Variants in RXFP2 observed in about 807,000 individuals in gnomAD.
RXFP2 encodes relaxin family peptide receptor 2.
Under a neutral mutation model 88.6 loss-of-function variants are expected in RXFP2, and 68 were observed. The ratio of observed to expected loss-of-function variants is 0.77; its 90% CI spans 0.63 to 0.94. RXFP2 has a LOEUF of 0.94. Ranked by LOEUF, RXFP2 falls within the 40% of genes least tolerant of loss-of-function variation. The pLI is 0.00. For synonymous variants in RXFP2, 329 were observed against 306.8 expected, an observed-to-expected ratio of 1.07 and a Z score of -0.76; for missense variants, 791 against 893.9, an observed-to-expected ratio of 0.88 and a Z score of 1.47.
rs140213839 is a variant in RXFP2 at position 31,748,909 on chromosome 13, A to G, written c.94+9203A>G. Among the ~76,000 whole-genome samples the G allele has an allele frequency of 4.8e-3, 732 of 152,300 alleles. 4 individuals are homozygous for G. The highest frequency in any genetic ancestry group is 7.0e-3 in the Non-Finnish European group (475 of 68,030). ...CTACTCAGGAGGCTAAGGCAGGAGA[A>G]TCTCTTGAACCCAGGAAGCAGCAGT... On this transcript the variant is annotated intron_variant, in intron 1 of 17. Transcript: ENST00000298386.
chr13:31,792,605 A>G, intron 15 of RXFP2, 73 bp from the exon 16 acceptor site: 2 of 1,410,828 alleles, frequency 1.4e-6, no homozygotes, highest in East Asian at 2.3e-5. Flanking sequence ...AAATGCTGGA[A>G]ATAGACTTAA....
chr13:31,750,162 G>T (rs989204742), intron 1 of RXFP2, among the ~76,000 whole-genome samples: 1 of 152,102 alleles, frequency 6.6e-6, no homozygotes, highest in Non-Finnish European at 1.5e-5. Flanking sequence ...CCTCCCTAAA[G>T]AATTCTGGTT....
chr13:31,793,255 A>G (rs1325104092), intron 16 of RXFP2, among the ~76,000 whole-genome samples, 167 bp downstream of exon 16: 1 of 152,148 alleles, frequency 6.6e-6, no homozygotes. Flanking sequence ...AAGTTTTATT[A>G]AACTTTTTAT....
At chr13:31,741,071 T>C (rs940377146) in intron 1 of RXFP2, among the ~76,000 whole-genome samples, 2 of 152,098 alleles carry the variant, frequency 1.3e-5, no homozygotes, top group Non-Finnish European at 2.9e-5. Flanking sequence ...CTTTTGCTTT[T>C]ATACATAATG....
intron 1 of RXFP2, 37 bp from the exon 2 acceptor site, chr13:31,758,221 A>G (rs1256155582): frequency 1.2e-6 from 2 of 1,613,416 alleles, no homozygotes; most frequent in Non-Finnish European, 8.5e-7. Context: ...GAGCTTGGCC[A>G]TGGTAACACT....
intron 7 of RXFP2, among the ~76,000 whole-genome samples, chr13:31,776,146 T>TTCTC (rs1166977388): frequency 1.6e-5 from 2 of 122,982 alleles, no homozygotes; most frequent in Admixed American, 1.7e-4. Context: ...TTCTTTCTCT[T>TTCTC]TCTCTCTCTC....
chr13:31,759,813 T>C (rs1872212433), intron 2 of RXFP2, among the ~76,000 whole-genome samples: 1 of 152,074 alleles, frequency 6.6e-6, no homozygotes, highest in Admixed American at 6.5e-5. Context: ...AGCATGCATC[T>C]CTAGAATCTC....
intron 1 of RXFP2, among the ~76,000 whole-genome samples, chr13:31,745,425 A>G (rs756146715): frequency 2.6e-5 from 4 of 152,154 alleles, no homozygotes; most frequent in Non-Finnish European, 5.9e-5. Context: ...CTTGCTGGCC[A>G]TGAGCAAGCA....
At chr13:31,783,999 G>GTT (rs1873408098) in intron 11 of RXFP2, among the ~76,000 whole-genome samples, 1 of 40,442 alleles carries the variant, frequency 2.5e-5, no homozygotes, top group Non-Finnish European at 5.5e-5. Flanking sequence ...TTTTTTTTTT[G>GTT]TATTTTTAGT....
At chr13:31,776,253 C>CTTTTTTT (rs149978498) in intron 7 of RXFP2, among the ~76,000 whole-genome samples, 1 of 84,394 alleles carries the variant, frequency 1.2e-5, no homozygotes, top group African/African-American at 4.8e-5. Flanking sequence ...CTCTTTCCTT[C>CTTTTTTT]TTTTTTTTTT....
intron 5 of RXFP2, among the ~76,000 whole-genome samples, chr13:31,766,307 A>G (rs1012619793): frequency 2.0e-5 from 3 of 152,256 alleles, no homozygotes; most frequent in South Asian, 2.1e-4. Context: ...TATTTTCCTC[A>G]AGATATTGGG....
intron 14 of RXFP2, among the ~76,000 whole-genome samples, chr13:31,791,097 A>G (rs754266716): frequency 1.3e-5 from 2 of 152,256 alleles, no homozygotes; most frequent in Non-Finnish European, 2.9e-5. Context: ...AAGTTTTATG[A>G]GAGAAAATTC....
chr13:31,746,491 A>C (rs1427970491), intron 1 of RXFP2, among the ~76,000 whole-genome samples: 3 of 152,194 alleles, frequency 2.0e-5, no homozygotes, highest in Non-Finnish European at 4.4e-5. Flanking sequence ...ACTGTAATTA[A>C]TATGCTAGTT....
chr13:31,781,171 G>A (rs570269884), intron 9 of RXFP2, among the ~76,000 whole-genome samples: 180 of 152,264 alleles, frequency 1.2e-3, no homozygotes, highest in African/African-American at 4.0e-3. Flanking sequence ...GATCAATGAC[G>A]CCACAGACAT....
chr13:31,796,359 A>T (rs1456549143), intron 16 of RXFP2, among the ~76,000 whole-genome samples: 1 of 151,592 alleles, frequency 6.6e-6, no homozygotes, highest in Non-Finnish European at 1.5e-5. Context: ...TGTTTCTCAG[A>T]CAATTATATT....
chr13:31,773,784 C>T (rs1249737045), intron 5 of RXFP2, among the ~76,000 whole-genome samples: 1 of 152,146 alleles, frequency 6.6e-6, no homozygotes, highest in Non-Finnish European at 1.5e-5. Context: ...AGTAGAATAT[C>T]ATAACAATGA....
At chr13:31,792,644 A>G in intron 15 of RXFP2, 34 bp from the exon 16 acceptor site, 1 of 1,606,616 alleles carries the variant, frequency 6.2e-7, no homozygotes, top group Non-Finnish European at 8.5e-7. Context: ...GACATTGGAA[A>G]CTGATGACAT....
At chr13:31,756,962 C>T (rs1344273959) in intron 1 of RXFP2, among the ~76,000 whole-genome samples, 1 of 152,056 alleles carries the variant, frequency 6.6e-6, no homozygotes, top group Non-Finnish European at 1.5e-5. Flanking sequence ...ATTTTATTAG[C>T]CAACTTAAAA....
intron 9 of RXFP2, among the ~76,000 whole-genome samples, chr13:31,779,120 G>C (rs903711101): frequency 1.2e-4 from 10 of 81,132 alleles, no homozygotes; most frequent in African/African-American, 5.1e-4. Context: ...TAGTCATTGG[G>C]CTTGTCTTTT....
Sources: gnomAD v4.1 joint callset for allele counts (sites outside exome capture counted in the v4.1 genomes callset) on GRCh38, gnomAD v4.1.1 for gene constraint, MANE v1.5 for transcripts, NCBI Gene and HGNC (gene_info 2026-07-23, HGNC 2026-07-21) for gene names.